MALT1: variants seen among roughly 807,000 people sequenced by gnomAD.
MALT1 encodes the protein mucosa-associated lymphoid tissue lymphoma translocation protein 1.
Under a neutral mutation model 85.5 loss-of-function variants are expected in MALT1, and 36 were observed. That is an observed-to-expected ratio of 0.42 (90% CI 0.32 to 0.56). The LOEUF is 0.56. Ranked by LOEUF, MALT1 falls within the 20% of genes least tolerant of loss-of-function variation. The probability of loss-of-function intolerance (pLI) is 0.10; values close to 1 mark genes in which losing one functional copy is unlikely to be tolerated. For missense variants in MALT1, 716 were observed against 981.6 expected (o/e 0.73, Z 3.62); for synonymous variants, 359 against 361.3 (o/e 0.99, Z 0.07).
rs1240803445 is a variant in MALT1, at chr18:58,711,984, T to C, written c.958+1031T>C. Among the ~76,000 whole-genome samples the C allele has an allele frequency of 2.0e-5, 3 of 152,292 alleles. No homozygotes were observed. In the East Asian group the frequency reaches 5.8e-4, roughly 29 times the overall value. ...TGCCTAATTGCATGGTTTTTAAGTCTTCCTAATGTTGGAAACCTCTTAAGA... is the reference window on the plus strand; with the variant it reads ...TGCCTAATTGCATGGTTTTTAAGTCCTCCTAATGTTGGAAACCTCTTAAGA... On this transcript the variant is annotated intron_variant, in intron 7 of 16. Coordinates refer to ENST00000649217, the MANE Select transcript of MALT1 (RefSeq NM_006785.4).
chr18:58,743,897 A>G (rs1167578191), intron 14 of MALT1, among the ~76,000 whole-genome samples: 6 of 152,176 alleles, frequency 3.9e-5, no homozygotes, highest in African/African-American at 1.2e-4. Flanking sequence ...AGCTTTATCT[A>G]TCTTAAAGCA....
intron 4 of MALT1, among the ~76,000 whole-genome samples, chr18:58,706,037 G>A (rs990119182): frequency 3.9e-5 from 6 of 152,210 alleles, no homozygotes; most frequent in Non-Finnish European, 7.3e-5. Flanking sequence ...CCAGGCTGGA[G>A]TGCAGTGGCA....
intron 2 of MALT1, among the ~76,000 whole-genome samples, chr18:58,685,760 G>A (rs965959002): frequency 3.9e-5 from 6 of 152,186 alleles, no homozygotes; most frequent in African/African-American, 7.2e-5. Context: ...TAGAGAAATC[G>A]CTTCTAGTTT....
At chr18:58,691,815 G>C (rs1014272175) in intron 2 of MALT1, among the ~76,000 whole-genome samples, 2 of 151,876 alleles carry the variant, frequency 1.3e-5, no homozygotes, top group Non-Finnish European at 2.9e-5. Context: ...GGAGCTTGCC[G>C]TGAGCCGAGA....
At chr18:58,732,233 A>AG (rs2055160317) in intron 10 of MALT1, among the ~76,000 whole-genome samples, 1 of 152,156 alleles carries the variant, frequency 6.6e-6, no homozygotes, top group Non-Finnish European at 1.5e-5. Flanking sequence ...TTGCAAGCAG[A>AG]GGGGAGGATA....
At chr18:58,674,411 G>T (rs1462625916) in intron 1 of MALT1, among the ~76,000 whole-genome samples, 1 of 152,124 alleles carries the variant, frequency 6.6e-6, no homozygotes, top group African/African-American at 2.4e-5. Flanking sequence ...GAGAATTTGG[G>T]GTGGGAAGTC....
At chr18:58,678,659 C>T (rs531004467) in intron 1 of MALT1, among the ~76,000 whole-genome samples, 17 of 152,080 alleles carry the variant, frequency 1.1e-4, no homozygotes, top group Non-Finnish European at 2.1e-4. Context: ...GGCTGCTACC[C>T]GTTTCATATA....
intron 1 of MALT1, among the ~76,000 whole-genome samples, 154 bp from the exon 2 acceptor site, chr18:58,681,016 G>A (rs969271939): frequency 4.6e-5 from 7 of 151,772 alleles, no homozygotes; most frequent in Non-Finnish European, 7.4e-5. Flanking sequence ...TGAAAGAGGA[G>A]GAAAGGATAC....
intron 4 of MALT1, among the ~76,000 whole-genome samples, chr18:58,705,433 C>T (rs2054736443): frequency 6.7e-6 from 1 of 150,258 alleles, no homozygotes; most frequent in Non-Finnish European, 1.5e-5. Context: ...ACTATCTCGT[C>T]ATCTAGCATT....
intron 10 of MALT1, among the ~76,000 whole-genome samples, chr18:58,731,693 A>C (rs115155935): frequency 3.3e-5 from 5 of 152,232 alleles, no homozygotes; most frequent in African/African-American, 1.2e-4. Flanking sequence ...TTTCATACGT[A>C]CATGGTGGTT....
At chr18:58,738,661 TAGTC>T (rs1425203719) in intron 13 of MALT1, among the ~76,000 whole-genome samples, 2 of 152,258 alleles carry the variant, frequency 1.3e-5, no homozygotes, top group Non-Finnish European at 2.9e-5. Context: ...CATCACTTGA[TAGTC>T]AGACTTTTTT....
At chr18:58,733,666 C>T (rs1395639609) in intron 11 of MALT1, 92 bp downstream of exon 11, 5 of 1,041,552 alleles carry the variant, frequency 4.8e-6, no homozygotes, top group Non-Finnish European at 5.5e-6. Context: ...AAGCCATTTG[C>T]GTTTGTGAAT....
At chr18:58,747,360 T>C (rs79073678) in intron 16 of MALT1, 45 bp from the exon 17 acceptor site, 66,980 of 1,206,620 alleles carry the variant, frequency 0.056, 2,947 homozygotes, top group East Asian at 0.2. Flanking sequence ...TTGATATATA[T>C]TCACTGTTGA....
At chr18:58,736,841 G>A (rs1187103234) in intron 13 of MALT1, among the ~76,000 whole-genome samples, 2 of 152,166 alleles carry the variant, frequency 1.3e-5, no homozygotes, top group African/African-American at 4.8e-5. Context: ...CCCACTCATT[G>A]TACAAAATAA....
At chr18:58,741,283 T>A (rs2144483574) in intron 13 of MALT1, 1 of 152,274 alleles carries the variant, frequency 6.6e-6, no homozygotes. Context: ...ATTTTTTGAT[T>A]TGGCTCATTT....
intron 1 of MALT1, among the ~76,000 whole-genome samples, chr18:58,674,761 G>A (rs540684660): frequency 2.6e-5 from 4 of 152,278 alleles, no homozygotes; most frequent in East Asian, 1.9e-4. Context: ...TGTCTAGTCC[G>A]TGTGGGTGAC....
chr18:58,720,758 TACCAA>T, intron 9 of MALT1, among the ~76,000 whole-genome samples: 1 of 152,230 alleles, frequency 6.6e-6, no homozygotes, highest in East Asian at 1.9e-4. Flanking sequence ...AATTGTTTTC[TACCAA>T]TAAAAATCTA....
At chr18:58,738,872 C>T (rs911636612) in intron 13 of MALT1, among the ~76,000 whole-genome samples, 10 of 151,930 alleles carry the variant, frequency 6.6e-5, no homozygotes, top group Admixed American at 3.3e-4. Context: ...TAGCGAGGAC[C>T]GCTAAGACAC....
intron 9 of MALT1, among the ~76,000 whole-genome samples, chr18:58,722,650 A>T (rs751698840): frequency 1.1e-4 from 17 of 152,216 alleles, no homozygotes; most frequent in Non-Finnish European, 2.2e-4. Context: ...TCAGCAAAAC[A>T]GAACCTAATT....
Sources: allele counts gnomAD v4.1 joint callset (sites outside exome capture counted in the v4.1 genomes callset), GRCh38; gene constraint gnomAD v4.1.1; transcripts MANE v1.5; gene names NCBI Gene and HGNC (gene_info 2026-07-23, HGNC 2026-07-21).